FERRY3: variants seen among roughly 807,000 people sequenced by gnomAD.
The protein encoded by FERRY3 is protein C12orf4.
At chr12:4,516,896 A>C in the FERRY3 span, among the ~76,000 whole-genome samples, 1 of 152,180 alleles carries the variant, frequency 6.6e-6, no homozygotes, top group Non-Finnish European at 1.5e-5. Flanking sequence ...AAAACCAAAA[A>C]TACATTTTGA....
chr12:4,500,386 T>C, the FERRY3 span: 2 of 1,519,228 alleles, frequency 1.3e-6, no homozygotes, highest in Non-Finnish European at 1.8e-6. Flanking sequence ...CCTAAGTAAG[T>C]CACATTCATC....
chr12:4,510,704 T>C, the FERRY3 span, among the ~76,000 whole-genome samples: 4 of 149,148 alleles, frequency 2.7e-5, no homozygotes, highest in African/African-American at 7.5e-5. Flanking sequence ...CTGAGAGATT[T>C]TGTCACCACC....
chr12:4,533,450 G>A, the FERRY3 span, among the ~76,000 whole-genome samples: 1 of 152,192 alleles, frequency 6.6e-6, no homozygotes, highest in Middle Eastern at 3.4e-3. Flanking sequence ...CCAACTTACC[G>A]AAACTGATCT....
the FERRY3 span, chr12:4,525,098 A>G: frequency 1.1e-6 from 1 of 884,420 alleles, no homozygotes; most frequent in Admixed American, 2.7e-5. Context: ...CATAAAGCCT[A>G]TAATGCAAAA....
chr12:4,491,046 G>C, the FERRY3 span: 1 of 761,598 alleles, frequency 1.3e-6, no homozygotes, highest in Non-Finnish European at 2.2e-6. Context: ...TGAAATATTT[G>C]CTTGCTAAAC....
At chr12:4,510,088 C>T in the FERRY3 span, among the ~76,000 whole-genome samples, 49 of 139,616 alleles carry the variant, frequency 3.5e-4, no homozygotes, top group Non-Finnish European at 4.4e-4. Context: ...TCGAGATCTA[C>T]GTGAAGAATG....
the FERRY3 span, chr12:4,502,488 A>C: frequency 4.7e-6 from 2 of 428,032 alleles, no homozygotes; most frequent in East Asian, 1.4e-4. The surrounding 1 kb of genome is among the most constrained non-coding windows in gnomAD (Gnocchi z 4.2). Flanking sequence ...AGTTCCTATC[A>C]ATATAAAGAA....
the FERRY3 span, among the ~76,000 whole-genome samples, chr12:4,536,624 C>G: frequency 3.9e-4 from 60 of 152,002 alleles, no homozygotes; most frequent in African/African-American, 1.4e-3. Context: ...AAGGAGTGAT[C>G]CTGGAGAACT....
the FERRY3 span, among the ~76,000 whole-genome samples, chr12:4,496,172 T>A: frequency 6.6e-6 from 1 of 152,226 alleles, no homozygotes; most frequent in Non-Finnish European, 1.5e-5. Flanking sequence ...CAAGGTTTTT[T>A]AATCCTGTCC....
At chr12:4,528,435 G>GAAAT in the FERRY3 span, among the ~76,000 whole-genome samples, 1 of 152,008 alleles carries the variant, frequency 6.6e-6, no homozygotes, top group Non-Finnish European at 1.5e-5. Context: ...CTTCCCCAGG[G>GAAAT]AAATATGTTT....
chr12:4,528,040 T>C, the FERRY3 span, among the ~76,000 whole-genome samples: 1 of 152,152 alleles, frequency 6.6e-6, no homozygotes, highest in Non-Finnish European at 1.5e-5. Flanking sequence ...AGACTATTAA[T>C]GGCTAGATAT....
chr12:4,509,014 G>A, the FERRY3 span: 1 of 151,916 alleles, frequency 6.6e-6, no homozygotes, highest in South Asian at 2.1e-4. Context: ...CATCTCACTA[G>A]GGAGTGCCAG....
At chr12:4,512,532 C>G in the FERRY3 span, among the ~76,000 whole-genome samples, 1 of 151,238 alleles carries the variant, frequency 6.6e-6, no homozygotes, top group Non-Finnish European at 1.5e-5. Flanking sequence ...CATCAAAAAG[C>G]TTATCCACCA....
At chr12:4,530,343 T>C in the FERRY3 span, among the ~76,000 whole-genome samples, 1 of 152,206 alleles carries the variant, frequency 6.6e-6, no homozygotes, top group Non-Finnish European at 1.5e-5. Context: ...TAAAAGCTTA[T>C]GCTGTGACCT....
the FERRY3 span, among the ~76,000 whole-genome samples, chr12:4,529,203 GA>G: frequency 6.6e-6 from 1 of 152,026 alleles, no homozygotes; most frequent in Non-Finnish European, 1.5e-5. Context: ...ATACTCTGAA[GA>G]AAAGATAAAT....
At chr12:4,490,631 C>A in the FERRY3 span, 2 of 1,474,672 alleles carry the variant, frequency 1.4e-6, no homozygotes, top group Middle Eastern at 1.7e-4. Flanking sequence ...CAAGTTCTGG[C>A]CTTCAAACCT....
chr12:4,516,205 T>C, the FERRY3 span, among the ~76,000 whole-genome samples: 2 of 152,174 alleles, frequency 1.3e-5, no homozygotes, highest in Admixed American at 6.5e-5. Context: ...TTTAAAGATA[T>C]AGAACTTGGA....
At chr12:4,536,155 C>A in the FERRY3 span, 12 of 1,599,322 alleles carry the variant, frequency 7.5e-6, no homozygotes, top group Admixed American at 1.9e-4. Context: ...TATACAAATT[C>A]TCTCTCTCTA....
At chr12:4,516,048 A>AT in the FERRY3 span, among the ~76,000 whole-genome samples, 16 of 151,732 alleles carry the variant, frequency 1.1e-4, no homozygotes, top group African/African-American at 2.2e-4. Context: ...GGATACAGTG[A>AT]TTTTTTTTTA....
Sources: allele counts gnomAD v4.1 joint callset (sites outside exome capture counted in the v4.1 genomes callset), GRCh38; gene constraint gnomAD v4.1.1; non-coding constraint Gnocchi (gnomAD v3.1); transcripts MANE v1.5; gene names NCBI Gene and HGNC (gene_info 2026-07-23, HGNC 2026-07-21).